Variants in ARHGEF10L observed in about 807,000 individuals in gnomAD.
The protein encoded by ARHGEF10L is Rho guanine nucleotide exchange factor 10 like.
A neutral mutation model predicts 141.2 loss-of-function variants in ARHGEF10L; 69 were observed. The ratio of observed to expected loss-of-function variants is 0.49; its 90% CI spans 0.40 to 0.60. The LOEUF (loss-of-function observed/expected upper bound fraction) is 0.60, where lower values mean the gene tolerates loss of function less well. Ranked by LOEUF, ARHGEF10L falls within the 20% of genes least tolerant of loss-of-function variation. The probability of loss-of-function intolerance (pLI) is 0.00; values close to 1 mark genes in which losing one functional copy is unlikely to be tolerated. For synonymous variants in ARHGEF10L, 711 were observed against 718.5 expected, an observed-to-expected ratio of 0.99 and a Z score of 0.17; for missense variants, 1,482 against 1,734.3, an observed-to-expected ratio of 0.85 and a Z score of 2.58.
At chr1:17,552,139 A>G (rs2077133350) in intron 1 of ARHGEF10L, among the ~76,000 whole-genome samples, 2 of 152,116 alleles carry the variant, frequency 1.3e-5, no homozygotes, top group Non-Finnish European at 2.9e-5. Context: ...AACAGGTCAC[A>G]TGAGGCCAGT....
rs1429080481 is a variant in ARHGEF10L, at chr1:17,607,764, T to A, written c.434-38T>A. 1 of 1,479,152 alleles carries A rather than the reference T, an allele frequency of 6.8e-7. No homozygotes were observed. The highest frequency in any genetic ancestry group is 8.9e-7 in the Non-Finnish European group (1 of 1,117,382). 91.6% of individuals were successfully genotyped at this position (1,479,152 alleles called of 1,614,324 possible). The stretch of plus-strand genomic sequence containing the variant: ...GGCTGGAAGTCTGGTAGGCTTGGCC[T>A]CAGGGCCTGGGCTCACCGGCTGCCG... On this transcript the variant is annotated intron_variant, in intron 6 of 28. Coordinates refer to ENST00000361221, the MANE Select transcript of ARHGEF10L (RefSeq NM_018125.4). This position sits in a 1 kb window ranked among gnomAD's most constrained non-coding sequence, Gnocchi z 4.5.
chr1:17,586,502 C>G (rs2079034976), intron 2 of ARHGEF10L, among the ~76,000 whole-genome samples: 1 of 151,860 alleles, frequency 6.6e-6, no homozygotes, highest in African/African-American at 2.4e-5. Flanking sequence ...CCATTCAGCC[C>G]AGAGTTTAGG....
intron 17 of ARHGEF10L, 37 bp from the exon 18 acceptor site, chr1:17,634,798 C>A: frequency 6.4e-7 from 1 of 1,570,524 alleles, no homozygotes; most frequent in Non-Finnish European, 8.6e-7. Flanking sequence ...AGGGTGGCTG[C>A]AGCCTCTCCA....
intron 1 of ARHGEF10L, among the ~76,000 whole-genome samples, chr1:17,563,497 A>G (rs1011233624): frequency 6.6e-6 from 1 of 152,034 alleles, no homozygotes; most frequent in Non-Finnish European, 1.5e-5. Context: ...GGCCTCCCAA[A>G]GTGCTGGAGT....
At chr1:17,622,762 C>T (rs1050297989) in intron 11 of ARHGEF10L, among the ~76,000 whole-genome samples, 1 of 152,176 alleles carries the variant, frequency 6.6e-6, no homozygotes, top group African/African-American at 2.4e-5. Context: ...ATAAAAGACC[C>T]TCTTCCTCCC....
intron 4 of ARHGEF10L, among the ~76,000 whole-genome samples, chr1:17,590,351 A>G (rs2079423880): frequency 6.6e-6 from 1 of 152,090 alleles, no homozygotes; most frequent in Non-Finnish European, 1.5e-5. Context: ...GGAATGTTCC[A>G]TAGGTCCCTC....
At chr1:17,647,513 C>T (rs1031541391) in intron 21 of ARHGEF10L, among the ~76,000 whole-genome samples, 4 of 152,124 alleles carry the variant, frequency 2.6e-5, no homozygotes, top group African/African-American at 9.7e-5. Flanking sequence ...TCAGGACAGA[C>T]GGTGGTTTAT....
rs77859264 is a variant in ARHGEF10L at position 17,590,465 on chromosome 1, A to T, written c.257+1986A>T. On this transcript the variant is annotated intron_variant, in intron 4 of 28. Transcript: ENST00000361221. ...AGAGCCGGCTCTTCGCTCCCCCAAC[A>T]CAGAGATCTTGTGAGGGCGGAGGGG... Among the ~76,000 whole-genome samples the T allele has an allele frequency of 5.4e-3, 820 of 152,054 alleles. 23 individuals carry two copies. In the East Asian group the frequency reaches 0.078, roughly 15 times the overall value.
At chr1:17,582,714 GC>G (rs540723897) in intron 2 of ARHGEF10L, among the ~76,000 whole-genome samples, 260 of 152,294 alleles carry the variant, frequency 1.7e-3, no homozygotes, top group Non-Finnish European at 2.8e-3. Flanking sequence ...GAGAGCCCCA[GC>G]CCCTTCCTCT....
At chr1:17,592,439 C>T (rs2100746171) in intron 4 of ARHGEF10L, among the ~76,000 whole-genome samples, 1 of 152,208 alleles carries the variant, frequency 6.6e-6, no homozygotes, top group South Asian at 2.1e-4. Context: ...TAGTGTCTCT[C>T]ATTGGGGCCT....
rs774619120 is a variant in ARHGEF10L, at chr1:17,623,218, C to G, written c.1200+43C>G. On this transcript the variant is annotated intron_variant, in intron 12 of 28. Coordinates refer to ENST00000361221, the MANE Select transcript of ARHGEF10L (RefSeq NM_018125.4). The surrounding 1 kb of genome is among the most constrained non-coding windows in gnomAD (Gnocchi z 4.7). Reference sequence around the variant, plus strand: ...TTTTCCCCAGCCCACCAAGGTAAAACCACAACCAGTCTGACCCCGGGGCCA... The same window carrying G: ...TTTTCCCCAGCCCACCAAGGTAAAAGCACAACCAGTCTGACCCCGGGGCCA... The G allele has an allele frequency of 1.6e-5, 25 of 1,597,220 alleles. No individual in the cohort carries two copies. The highest frequency in any genetic ancestry group is 3.4e-5 in the Admixed American group (2 of 58,198).
intron 1 of ARHGEF10L, among the ~76,000 whole-genome samples, chr1:17,574,538 G>C (rs957100015): frequency 1.3e-5 from 2 of 152,230 alleles, no homozygotes; most frequent in Non-Finnish European, 2.9e-5. Flanking sequence ...GCACCTGACA[G>C]GTAAGCACAG....
intron 1 of ARHGEF10L, among the ~76,000 whole-genome samples, chr1:17,565,466 C>G (rs114044765): frequency 0.046 from 6,931 of 152,292 alleles, 228 homozygotes; most frequent in Middle Eastern, 0.075. Flanking sequence ...TCAAGGAGCA[C>G]TAACTGGTGG....
intron 26 of ARHGEF10L, among the ~76,000 whole-genome samples, chr1:17,665,771 T>C (rs555229436): frequency 9.5e-4 from 145 of 152,304 alleles, no homozygotes; most frequent in African/African-American, 3.3e-3. Context: ...AGTATATGTA[T>C]ACACACGTAT....
chr1:17,527,155 C>T, the ARHGEF10L span, among the ~76,000 whole-genome samples: 1 of 152,196 alleles, frequency 6.6e-6, no homozygotes, highest in African/African-American at 2.4e-5. Flanking sequence ...CTGAGTCTTG[C>T]TTCTCCCAAA....
At chr1:17,601,369 G>A (rs917174799) in intron 4 of ARHGEF10L, among the ~76,000 whole-genome samples, 2 of 152,172 alleles carry the variant, frequency 1.3e-5, no homozygotes, top group African/African-American at 4.8e-5. Flanking sequence ...GGACTCACTG[G>A]GCCAGCCCAT....
chr1:17,544,285 T>G (rs1023227313), intron 1 of ARHGEF10L, among the ~76,000 whole-genome samples: 1 of 148,766 alleles, frequency 6.7e-6, no homozygotes, highest in Non-Finnish European at 1.5e-5. Context: ...TGTGTATATA[T>G]ATATATAATA....
chr1:17,640,409 G>A, intron 21 of ARHGEF10L, 107 bp downstream of exon 21: 1 of 960,862 alleles, frequency 1.0e-6, no homozygotes, highest in South Asian at 1.6e-5. Flanking sequence ...CGGGGGGCAG[G>A]GAGGCTTCTG....
At chr1:17,579,727 T>C (rs2100486391) in intron 1 of ARHGEF10L, among the ~76,000 whole-genome samples, 1 of 152,318 alleles carries the variant, frequency 6.6e-6, no homozygotes, top group Admixed American at 6.5e-5. Flanking sequence ...GGCTGGGTGC[T>C]TTCCCTCCAG....
Sources: gnomAD v4.1 joint callset for allele counts (sites outside exome capture counted in the v4.1 genomes callset) on GRCh38, gnomAD v4.1.1 for gene constraint, Gnocchi (gnomAD v3.1) non-coding constraint, MANE v1.5 for transcripts, NCBI Gene and HGNC (gene_info 2026-07-23, HGNC 2026-07-21) for gene names.